The following RSRC2 variants were observed in gnomAD, a reference collection of about 807,000 sequenced individuals.
The protein encoded by RSRC2 is arginine/serine-rich coiled-coil protein 2.
Under a neutral mutation model 61.3 loss-of-function variants are expected in RSRC2, and 5 were observed. The ratio of observed to expected loss-of-function variants is 0.08; its 90% CI spans 0.04 to 0.17. RSRC2 has a LOEUF of 0.17. RSRC2 is among the 10% of genes least tolerant of loss of function. The pLI is 1.00. For synonymous variants in RSRC2, 202 were observed against 166.5 expected (o/e 1.21, Z -1.64); for missense variants, 381 against 518.8 (o/e 0.73, Z 2.58).
intron 6 of RSRC2, among the ~76,000 whole-genome samples, chr12:122,513,501 A>G (rs1958685535): frequency 1.3e-5 from 2 of 152,154 alleles, no homozygotes; most frequent in Admixed American, 1.3e-4. Context: ...TTTGGATGCT[A>G]TTAACGGCTT....
At chr12:122,524,576 TC>T (rs1427729245) in intron 1 of RSRC2, among the ~76,000 whole-genome samples, 1 of 152,196 alleles carries the variant, frequency 6.6e-6, no homozygotes, top group African/African-American at 2.4e-5. Flanking sequence ...CAGAGAAACC[TC>T]CCTGTGACAT....
intron 4 of RSRC2, 88 bp from the exon 5 acceptor site, chr12:122,517,518 C>T: frequency 1.4e-6 from 2 of 1,477,652 alleles, no homozygotes; most frequent in Non-Finnish European, 1.9e-6. Flanking sequence ...TGTAGTAACG[C>T]AATAAAGACA....
intron 8 of RSRC2, chr12:122,507,215 TA>T: frequency 2.8e-6 from 1 of 359,180 alleles, no homozygotes; most frequent in Non-Finnish European, 5.2e-6. Context: ...CCGTCTCTAC[TA>T]AAAATACAAA....
intron 1 of RSRC2, among the ~76,000 whole-genome samples, chr12:122,525,705 T>C (rs1406064877): frequency 1.3e-5 from 2 of 152,050 alleles, no homozygotes; most frequent in African/African-American, 4.8e-5. Context: ...CACAAAATAA[T>C]GTGGATCCGT....
intron 1 of RSRC2, among the ~76,000 whole-genome samples, chr12:122,524,445 G>A (rs963710710): frequency 1.3e-5 from 2 of 152,162 alleles, no homozygotes; most frequent in African/African-American, 4.8e-5. Flanking sequence ...TACTTTTGCA[G>A]AGAACAAGAC....
intron 5 of RSRC2, among the ~76,000 whole-genome samples, chr12:122,515,539 T>C (rs1268457583): frequency 6.6e-6 from 1 of 152,236 alleles, no homozygotes; most frequent in Non-Finnish European, 1.5e-5. Flanking sequence ...TTCCAATCTT[T>C]TGCATAGTAT....
At chr12:122,507,118 C>T (rs1593355320) in intron 8 of RSRC2, 195 bp from the exon 9 acceptor site, 2 of 595,188 alleles carry the variant, frequency 3.4e-6, no homozygotes, top group East Asian at 6.4e-5. Flanking sequence ...TGCTTCACTC[C>T]TATAATCCCA....
chr12:122,516,146 G>A (rs1565897918), intron 5 of RSRC2, among the ~76,000 whole-genome samples: 1 of 152,078 alleles, frequency 6.6e-6, no homozygotes, highest in Non-Finnish European at 1.5e-5. Flanking sequence ...TAAAAACCAA[G>A]TTACTGTATT....
At chr12:122,510,045 CTACTG>C (rs1039360261) in intron 7 of RSRC2, among the ~76,000 whole-genome samples, 36 of 152,272 alleles carry the variant, frequency 2.4e-4, no homozygotes, top group African/African-American at 8.4e-4. Flanking sequence ...TGGTCTTGAA[CTACTG>C]ACCTCAGGTG....
rs189088771 is a variant in RSRC2 at position 122,525,480 on chromosome 12, T to G, written c.6+1368A>C. 2.0e-5 allele frequency among the ~76,000 whole-genome samples: 3 copies of G among 152,204 alleles called. No individual in the cohort carries two copies. The East Asian group carries it at 5.8e-4, about 29-fold the overall frequency. On this transcript the variant is annotated intron_variant, in intron 1 of 9. Coordinates refer to ENST00000331738, the MANE Select transcript of RSRC2 (RefSeq NM_023012.6). ...AAGGAAGACAGTAAAAGAAACGGGT[T>G]TAAACTCAATCACCTAAATAATAGA...
chr12:122,510,982 GA>G (rs1450343261), intron 7 of RSRC2, 126 bp downstream of exon 7: 2 of 648,654 alleles, frequency 3.1e-6, no homozygotes, highest in East Asian at 5.6e-5. Context: ...CTGGGAGTTT[GA>G]GGCTACCATG....
intron 3 of RSRC2, chr12:122,520,988 A>T (rs543007015): frequency 8.8e-5 from 19 of 215,912 alleles, no homozygotes; most frequent in African/African-American, 3.3e-4. Flanking sequence ...TATCGTTCAT[A>T]AGGAAAAAGC....
chr12:122,503,866 T>C lies in RSRC2; in HGVS notation c.*1661A>G, dbSNP rs1957994461. On this transcript the variant is annotated 3_prime_UTR_variant, in exon 10 of 10. Coordinates refer to ENST00000331738, the MANE Select transcript of RSRC2 (RefSeq NM_023012.6). ...GGAGCCCTGAGGTGGGAGGATTGCT[T>C]GAGGCCAGGAATTCAAGACCAACCT... 1 of 152,116 alleles carries C rather than the reference T, an allele frequency of 6.6e-6. No individual in the cohort carries two copies. The highest frequency in any genetic ancestry group is 6.6e-5 in the Admixed American group (1 of 15,250). The allele number at this position is 152,116 out of a possible 1,614,324, so 9.4% of individuals were successfully genotyped here.
Position 122,514,666 on chromosome 12 carries a change from T to C in RSRC2, c.725+439A>G, listed in dbSNP as rs537066164. ...AAATTAGCTTATAATGTATTATCTG[T>C]TAATTGCCATCTTCAAAATAATAAT... On this transcript the variant is annotated intron_variant, in intron 6 of 9. Coordinates refer to ENST00000331738, the MANE Select transcript of RSRC2 (RefSeq NM_023012.6). The C allele has an allele frequency of 1.1e-4, 125 of 1,138,258 alleles. 1 individual carries two copies. In the African/African-American group the frequency reaches 2.0e-3, roughly 19 times the overall value. 70.5% of individuals were successfully genotyped at this position (1,138,258 alleles called of 1,614,324 possible).
At chr12:122,514,906 T>C (rs1224120561) in intron 6 of RSRC2, 199 bp downstream of exon 6, 3 of 689,908 alleles carry the variant, frequency 4.3e-6, no homozygotes, top group South Asian at 2.4e-5. Flanking sequence ...AAAACAGAAA[T>C]TGTAGACATC....
Position 122,505,515 on chromosome 12 carries a change from G to C in RSRC2, c.*12C>G. ...AGTCTATAAGTCCCAAACTTTACAAGTGTGATCATTTTCAAACTGCATCCA... is the reference window on the plus strand; with the variant it reads ...AGTCTATAAGTCCCAAACTTTACAACTGTGATCATTTTCAAACTGCATCCA... On this transcript the variant is annotated 3_prime_UTR_variant, in exon 10 of 10. Coordinates refer to ENST00000331738, the MANE Select transcript of RSRC2 (RefSeq NM_023012.6). 1.2e-6 allele frequency: 2 copies of C among 1,612,038 alleles called. No individual in the cohort carries two copies. The highest frequency in any genetic ancestry group is 1.7e-6 in the Non-Finnish European group (2 of 1,178,648).
At chr12:122,518,753 T>C (rs1565901481) in intron 4 of RSRC2, 86 bp downstream of exon 4, 3 of 1,049,718 alleles carry the variant, frequency 2.9e-6, no homozygotes, top group South Asian at 1.4e-5. Flanking sequence ...ACTCCCTAAT[T>C]ATGATTTTTT....
chr12:122,526,289 C>G (rs1036355494), intron 1 of RSRC2: 3 of 152,694 alleles, frequency 2.0e-5, no homozygotes, highest in African/African-American at 7.2e-5. Flanking sequence ...TTCAGCAATA[C>G]CTTCCTAGCT....
chr12:122,512,591 G>C (rs566359064), intron 6 of RSRC2, among the ~76,000 whole-genome samples: 1 of 151,952 alleles, frequency 6.6e-6, no homozygotes, highest in Non-Finnish European at 1.5e-5. Context: ...AATTAGCAGG[G>C]CGTGGTGGTG....
Sources: allele counts gnomAD v4.1 joint callset (sites outside exome capture counted in the v4.1 genomes callset), GRCh38; gene constraint gnomAD v4.1.1; transcripts MANE v1.5; gene names NCBI Gene and HGNC (gene_info 2026-07-23, HGNC 2026-07-21).